KHDRBS2: variants seen among roughly 807,000 people sequenced by gnomAD.
KHDRBS2 encodes the protein KH RNA binding domain containing, signal transduction associated 2.
In KHDRBS2, 26 loss-of-function variants were observed where a neutral mutation model predicts 44.3. That is an observed-to-expected ratio of 0.59 (90% CI 0.43 to 0.81). The LOEUF is 0.81. Ranked by LOEUF, KHDRBS2 falls within the 40% of genes least tolerant of loss-of-function variation. The pLI is 0.00. For missense variants in KHDRBS2, 476 were observed against 433.1 expected, an observed-to-expected ratio of 1.10 and a Z score of -0.88; for synonymous variants, 194 against 151.1, an observed-to-expected ratio of 1.28 and a Z score of -2.08.
intron 6 of KHDRBS2, among the ~76,000 whole-genome samples, chr6:61,863,870 T>G (rs1196981757): frequency 6.6e-6 from 1 of 152,186 alleles, no homozygotes; most frequent in East Asian, 1.9e-4. Flanking sequence ...CTGTCTAACA[T>G]TGTTAGTAGG....
intron 6 of KHDRBS2, among the ~76,000 whole-genome samples, chr6:61,849,543 T>A (rs1387294765): frequency 1.3e-5 from 2 of 152,152 alleles, no homozygotes; most frequent in African/African-American, 4.8e-5. Flanking sequence ...ATAGGAAATT[T>A]AACATTTTTC....
intron 3 of KHDRBS2, among the ~76,000 whole-genome samples, chr6:62,015,046 G>A (rs1780962289): frequency 6.6e-6 from 1 of 152,150 alleles, no homozygotes; most frequent in Admixed American, 6.6e-5. Context: ...ATCATAATCA[G>A]TAATTGAGAT....
chr6:62,163,278 T>C (rs9354734), intron 2 of KHDRBS2, among the ~76,000 whole-genome samples: 18,125 of 152,042 alleles, frequency 0.12, 1,387 homozygotes, highest in Non-Finnish European at 0.15. Flanking sequence ...TCTTTATTGC[T>C]GCAGAGGCAA....
chr6:61,568,950 T>C, the KHDRBS2 span, among the ~76,000 whole-genome samples: 1 of 152,174 alleles, frequency 6.6e-6, no homozygotes, highest in Non-Finnish European at 1.5e-5. Context: ...CTACTGCAGA[T>C]ATAAGCATAG....
In KHDRBS2 at chr6:62,134,838, T is replaced by A. The variant is rs1479260583; in HGVS notation, c.219+42347A>T. On this transcript the variant is annotated intron_variant, in intron 2 of 8. Coordinates refer to ENST00000281156, the MANE Select transcript of KHDRBS2 (RefSeq NM_152688.4). ...CCTTTAGCATCTTCATTTTGGCCAA[T>A]TTCTCCCATTTGAAATGGGTATATT... 5.3e-5 allele frequency among the ~76,000 whole-genome samples: 8 copies of A among 152,102 alleles called. No individual in the cohort carries two copies. In the East Asian group the frequency reaches 1.5e-3, roughly 29 times the overall value.
At chr6:61,638,265 G>T in the KHDRBS2 span, among the ~76,000 whole-genome samples, 41 of 152,064 alleles carry the variant, frequency 2.7e-4, no homozygotes, top group African/African-American at 9.2e-4. Context: ...TATACTACAA[G>T]GCTACAGTAA....
Position 61,790,994 on chromosome 6 carries a change from T to G in KHDRBS2, c.811-58230A>C, listed in dbSNP as rs1462800241. Among the ~76,000 whole-genome samples the G allele has an allele frequency of 1.3e-5, 2 of 151,526 alleles. 1 individual carries two copies. Among genetic ancestry groups the G allele is most frequent in the Non-Finnish European group, 3.0e-5 (2 of 67,532 alleles). ...AGTTCTTCTTTAGCCAATTTTGTCA[T>G]GTTATATTATTCTGGAAATTTGTTC... On this transcript the variant is annotated intron_variant, in intron 6 of 8. Coordinates refer to ENST00000281156, the MANE Select transcript of KHDRBS2 (RefSeq NM_152688.4).
chr6:62,089,260 C>G (rs1337339417), intron 2 of KHDRBS2, among the ~76,000 whole-genome samples: 2 of 109,156 alleles, frequency 1.8e-5, no homozygotes, highest in East Asian at 5.8e-4. Flanking sequence ...TCAGGTGCCA[C>G]TGGGTTACAA....
chr6:61,600,087 A>G, the KHDRBS2 span, among the ~76,000 whole-genome samples: 5 of 152,230 alleles, frequency 3.3e-5, no homozygotes, highest in Admixed American at 2.6e-4. Context: ...TTAAATTTGG[A>G]AAAAGAAAAA....
rs113795145 is a variant in KHDRBS2 at position 61,700,631 on chromosome 6, G to A, written c.894-3378C>T. Among the ~76,000 whole-genome samples the A allele has an allele frequency of 1.7e-3, 265 of 151,600 alleles. 1 individual carries two copies. Among genetic ancestry groups the A allele is most frequent in the African/African-American group, 6.2e-3 (257 of 41,332 alleles). On this transcript the variant is annotated intron_variant, in intron 7 of 8. Transcript: ENST00000281156. ...CACCCTTTCAGCTAGATGTGCCCTC[G>A]TGACTAAGTTAGGACACATGGGATG...
At chr6:62,189,955 G>A (rs1487248653) in intron 1 of KHDRBS2, among the ~76,000 whole-genome samples, 2 of 152,098 alleles carry the variant, frequency 1.3e-5, no homozygotes, top group Non-Finnish European at 2.9e-5. Context: ...AAGGTTGGGG[G>A]TTGACATGTA....
chr6:61,632,670 C>T, the KHDRBS2 span, among the ~76,000 whole-genome samples: 2 of 152,118 alleles, frequency 1.3e-5, no homozygotes, highest in Admixed American at 6.5e-5. Context: ...AGGTCAATCC[C>T]TATGAAGATG....
intron 4 of KHDRBS2, among the ~76,000 whole-genome samples, chr6:61,958,622 T>A (rs1213101970): frequency 2.6e-5 from 4 of 152,226 alleles, no homozygotes; most frequent in Admixed American, 6.5e-5. Context: ...GTTTCACTTC[T>A]TAAATATTTA....
intron 4 of KHDRBS2, among the ~76,000 whole-genome samples, chr6:61,959,680 G>C (rs1354033952): frequency 6.6e-6 from 1 of 152,114 alleles, no homozygotes; most frequent in Non-Finnish European, 1.5e-5. Flanking sequence ...ACTCTGCCAA[G>C]TACAAGCAAA....
chr6:61,803,585 G>A (rs770618367), intron 6 of KHDRBS2, among the ~76,000 whole-genome samples: 7 of 151,864 alleles, frequency 4.6e-5, no homozygotes, highest in African/African-American at 7.3e-5. Flanking sequence ...CCATTCTCAC[G>A]CCCTGGAGAC....
At chr6:62,110,208 C>T (rs780739248) in intron 2 of KHDRBS2, among the ~76,000 whole-genome samples, 1 of 152,012 alleles carries the variant, frequency 6.6e-6, no homozygotes, top group Non-Finnish European at 1.5e-5. Flanking sequence ...TATGAAAGAA[C>T]TTCCATACAT....
At chr6:61,975,854 T>C (rs1471613213) in intron 4 of KHDRBS2, among the ~76,000 whole-genome samples, 1 of 152,154 alleles carries the variant, frequency 6.6e-6, no homozygotes, top group Non-Finnish European at 1.5e-5. Context: ...CTTTAGATTG[T>C]GTGGTTGGGG....
chr6:61,940,476 A>C (rs1364788760), intron 4 of KHDRBS2, among the ~76,000 whole-genome samples: 5 of 152,066 alleles, frequency 3.3e-5, no homozygotes, highest in Non-Finnish European at 5.9e-5. Context: ...TGCTCCAGGG[A>C]GTGGAGGGTG....
chr6:62,105,489 TC>T (rs1413691024), intron 2 of KHDRBS2, among the ~76,000 whole-genome samples: 5 of 152,198 alleles, frequency 3.3e-5, no homozygotes, highest in Admixed American at 3.3e-4. Flanking sequence ...TTCAACTTCT[TC>T]CTGGTTTAGT....
Sources: allele counts gnomAD v4.1 joint callset (sites outside exome capture counted in the v4.1 genomes callset), GRCh38; gene constraint gnomAD v4.1.1; transcripts MANE v1.5; gene names NCBI Gene and HGNC (gene_info 2026-07-23, HGNC 2026-07-21).